ACAP2: variants seen among roughly 807,000 people sequenced by gnomAD.
ACAP2 encodes the protein arf-GAP with coiled-coil, ANK repeat and PH domain-containing protein 2.
Under a neutral mutation model 115.8 loss-of-function variants are expected in ACAP2, and 39 were observed. The ratio of observed to expected loss-of-function variants is 0.34; its 90% CI spans 0.26 to 0.44. The LOEUF is 0.44. ACAP2 is among the 20% of genes least tolerant of loss of function. The probability of loss-of-function intolerance (pLI) is 1.00; values close to 1 mark genes in which losing one functional copy is unlikely to be tolerated. For missense variants in ACAP2, 662 were observed against 927.6 expected (o/e 0.71, Z 3.72); for synonymous variants, 289 against 315.8 (o/e 0.92, Z 0.90).
chr3:195,321,124 A>C (rs1027245319), intron 9 of ACAP2, among the ~76,000 whole-genome samples: 3 of 152,112 alleles, frequency 2.0e-5, no homozygotes, highest in African/African-American at 7.2e-5. Context: ...ATTGTGATTA[A>C]AAGCACAAAA....
intron 2 of ACAP2, among the ~76,000 whole-genome samples, chr3:195,389,007 G>A (rs1359526742): frequency 4.1e-5 from 6 of 146,466 alleles, no homozygotes; most frequent in African/African-American, 1.5e-4. Context: ...CTGGGTGACA[G>A]AGCAAGAATC....
intron 1 of ACAP2, among the ~76,000 whole-genome samples, chr3:195,409,140 G>T (rs1205075048): frequency 1.3e-5 from 2 of 150,522 alleles, no homozygotes; most frequent in Non-Finnish European, 3.0e-5. Flanking sequence ...AAAGGAAGAA[G>T]TAAAAGTATT....
At chr3:195,314,051 T>C (rs1405830483) in intron 10 of ACAP2, among the ~76,000 whole-genome samples, 1 of 152,168 alleles carries the variant, frequency 6.6e-6, no homozygotes, top group Non-Finnish European at 1.5e-5. Flanking sequence ...AATCGCATCA[T>C]ACAAAATATT....
At position 195,442,876 on chromosome 3, in the gene ACAP2, C is replaced by T; in HGVS notation, c.-29G>A. The T allele has an allele frequency of 1.3e-6, 2 of 1,510,668 alleles. No homozygotes were observed. The highest frequency in any genetic ancestry group is 1.8e-6 in the Non-Finnish European group (2 of 1,129,780). 93.6% of individuals were successfully genotyped at this position (1,510,668 alleles called of 1,614,324 possible). The stretch of plus-strand genomic sequence containing the variant: ...GCCTCCGCCTCGCAGGCGGCGCTGG[C>T]AAAGCCGAGGGGGCCGCGGGAGCGG... On this transcript the variant is annotated 5_prime_UTR_variant, in exon 1 of 23. Transcript: ENST00000326793.
chr3:195,282,956 A>G (rs1726599965), intron 22 of ACAP2, among the ~76,000 whole-genome samples: 2 of 152,198 alleles, frequency 1.3e-5, no homozygotes, highest in South Asian at 4.1e-4. Context: ...CTCACCTCAC[A>G]GGGACGGCAG....
At chr3:195,349,897 T>C (rs759756628) in intron 4 of ACAP2, 9 of 252,378 alleles carry the variant, frequency 3.6e-5, no homozygotes, top group Non-Finnish European at 6.2e-5. Flanking sequence ...CAATATCTCA[T>C]AGGATCCCAT....
At chr3:195,387,074 C>T (rs181612871) in intron 2 of ACAP2, among the ~76,000 whole-genome samples, 205 of 152,194 alleles carry the variant, frequency 1.3e-3, no homozygotes, top group Non-Finnish European at 2.1e-3. Flanking sequence ...ACCACATATA[C>T]GCTGCAGCTA....
chr3:195,406,797 T>C (rs1712808618), intron 1 of ACAP2, among the ~76,000 whole-genome samples: 1 of 152,136 alleles, frequency 6.6e-6, no homozygotes, highest in African/African-American at 2.4e-5. Flanking sequence ...AGTCATGAAC[T>C]TACCTTCATA....
intron 4 of ACAP2, among the ~76,000 whole-genome samples, chr3:195,370,952 CAAA>C (rs35365512): frequency 0.33 from 34,182 of 104,048 alleles, 4,482 homozygotes; most frequent in East Asian, 0.71. Flanking sequence ...AACTCTGTCT[CAAA>C]AAAAAAAAAA....
chr3:195,328,394 A>G (rs2108618303), intron 8 of ACAP2, among the ~76,000 whole-genome samples: 1 of 152,328 alleles, frequency 6.6e-6, no homozygotes, highest in African/African-American at 2.4e-5. Flanking sequence ...CACAGATAAT[A>G]TTACTGAATA....
At chr3:195,329,063 G>A (rs1189279001) in intron 8 of ACAP2, among the ~76,000 whole-genome samples, 7 of 142,288 alleles carry the variant, frequency 4.9e-5, no homozygotes, top group Admixed American at 3.7e-4. Context: ...CTGGGCAACA[G>A]AGTGAGACTC....
intron 21 of ACAP2, among the ~76,000 whole-genome samples, chr3:195,288,207 C>T (rs1355307883): frequency 6.6e-6 from 1 of 152,124 alleles, no homozygotes; most frequent in East Asian, 1.9e-4. Context: ...GCTTTAGGGC[C>T]ACAATTCTTG....
At chr3:195,391,255 G>A (rs531041700) in intron 2 of ACAP2, among the ~76,000 whole-genome samples, 185 of 138,790 alleles carry the variant, frequency 1.3e-3, no homozygotes, top group Middle Eastern at 3.9e-3. Context: ...TTGAGATGGA[G>A]TTTCACTCTT....
intron 10 of ACAP2, among the ~76,000 whole-genome samples, chr3:195,315,685 A>G (rs1729040903): frequency 6.6e-6 from 1 of 152,184 alleles, no homozygotes; most frequent in South Asian, 2.1e-4. Context: ...TCTACAATCT[A>G]TGATTCTAGT....
intron 17 of ACAP2, chr3:195,295,203 C>A (rs1256294971): frequency 7.8e-7 from 1 of 1,289,898 alleles, no homozygotes; most frequent in Non-Finnish European, 1.0e-6. Flanking sequence ...TACTACTACG[C>A]AGTTTTGAAG....
At chr3:195,356,101 A>G (rs1731945146) in intron 4 of ACAP2, 2 of 456,684 alleles carry the variant, frequency 4.4e-6, no homozygotes, top group South Asian at 3.1e-5. Context: ...TGAAGAGGAT[A>G]GAAAAGACAG....
intron 1 of ACAP2, among the ~76,000 whole-genome samples, chr3:195,428,995 T>C (rs1257616685): frequency 6.6e-6 from 1 of 152,160 alleles, no homozygotes; most frequent in Non-Finnish European, 1.5e-5. Context: ...AACAACTTTA[T>C]TCACAATGAT....
At chr3:195,387,741 C>A (rs1222686896) in intron 2 of ACAP2, among the ~76,000 whole-genome samples, 1 of 152,210 alleles carries the variant, frequency 6.6e-6, no homozygotes, top group African/African-American at 2.4e-5. Flanking sequence ...CAGGCGTGAG[C>A]CACCACTCCC....
chr3:195,425,214 C>CAA (rs1277523560), intron 1 of ACAP2, among the ~76,000 whole-genome samples: 1 of 151,994 alleles, frequency 6.6e-6, no homozygotes, highest in Non-Finnish European at 1.5e-5. Flanking sequence ...TTAGACTAGT[C>CAA]AGAGTCTCTC....
Sources: gnomAD v4.1 joint callset for allele counts (sites outside exome capture counted in the v4.1 genomes callset) on GRCh38, gnomAD v4.1.1 for gene constraint, MANE v1.5 for transcripts, NCBI Gene and HGNC (gene_info 2026-07-23, HGNC 2026-07-21) for gene names.